Variants in FGF12 observed in about 807,000 individuals in gnomAD.
FGF12 encodes fibroblast growth factor 12B.
FGF12 carries 14 observed loss-of-function variants against 23.6 expected under a neutral mutation model. That is an observed-to-expected ratio of 0.59 (90% CI 0.39 to 0.93). The LOEUF (loss-of-function observed/expected upper bound fraction) is 0.93, where lower values mean the gene tolerates loss of function less well. Among genes scored for constraint, FGF12 ranks in the 40% least tolerant of loss-of-function variants. FGF12 has a pLI of 0.00. For synonymous variants in FGF12, 62 were observed against 77.3 expected, an observed-to-expected ratio of 0.80 and a Z score of 1.04; for missense variants, 175 against 217.8, an observed-to-expected ratio of 0.80 and a Z score of 1.24.
chr3:192,549,091 A>C (rs1041950802), intron 2 of FGF12, among the ~76,000 whole-genome samples: 4 of 152,126 alleles, frequency 2.6e-5, no homozygotes, highest in Admixed American at 2.0e-4. Context: ...AATTACACTA[A>C]CTGTTGCTCA....
chr3:192,685,730 T>C (rs964402629), intron 2 of FGF12, among the ~76,000 whole-genome samples: 1 of 152,154 alleles, frequency 6.6e-6, no homozygotes, highest in Non-Finnish European at 1.5e-5. Context: ...AAGGGTGCAA[T>C]ATTTGAGAAA....
intron 2 of FGF12, among the ~76,000 whole-genome samples, chr3:192,588,687 A>C (rs1251001186): frequency 6.6e-6 from 1 of 151,950 alleles, no homozygotes; most frequent in South Asian, 2.1e-4. Flanking sequence ...AAGATGTTAA[A>C]GCTCAGAAAA....
intron 2 of FGF12, among the ~76,000 whole-genome samples, chr3:192,637,757 T>C (rs911214213): frequency 6.6e-6 from 1 of 152,102 alleles, no homozygotes; most frequent in Non-Finnish European, 1.5e-5. Context: ...TAAGAAAAAA[T>C]AATAAATGAG....
intron 2 of FGF12, among the ~76,000 whole-genome samples, chr3:192,677,751 T>C (rs1717379987): frequency 6.6e-6 from 1 of 152,122 alleles, no homozygotes; most frequent in Non-Finnish European, 1.5e-5. Context: ...AAAAGACAGA[T>C]CCTGGCCTGT....
chr3:192,665,764 T>C (rs1276694229), intron 2 of FGF12, among the ~76,000 whole-genome samples: 3 of 145,296 alleles, frequency 2.1e-5, no homozygotes, highest in African/African-American at 7.7e-5. Context: ...TGCACATGTA[T>C]CCCAGAACTT....
chr3:192,250,004 A>G (rs187741889), intron 4 of FGF12, among the ~76,000 whole-genome samples: 5 of 152,322 alleles, frequency 3.3e-5, no homozygotes, highest in Admixed American at 6.5e-5. Context: ...TATGGAAGCC[A>G]TTGCTCTGAT....
intron 5 of FGF12, among the ~76,000 whole-genome samples, chr3:192,169,436 G>C (rs1358118558): frequency 6.6e-6 from 1 of 152,184 alleles, no homozygotes; most frequent in East Asian, 1.9e-4. Flanking sequence ...CCTGAGAGGG[G>C]CTAGGGGCTT....
At position 192,164,248 on chromosome 3, in the gene FGF12, T is replaced by C. The variant is rs181059039; in HGVS notation, c.427+6210A>G. Among the ~76,000 whole-genome samples, 550 of 152,338 alleles carry C rather than the reference T, an allele frequency of 3.6e-3. 4 individuals are homozygous for C. The highest frequency in any genetic ancestry group is 0.013 in the African/African-American group (527 of 41,582). On this transcript the variant is annotated intron_variant, in intron 5 of 5. Coordinates refer to ENST00000445105, the MANE Select transcript of FGF12 (RefSeq NM_004113.6). ...AGTTACTTATCTGTGCTTTGAACAA[T>C]ACTCTGAAAGGGCAGAATTGAGAAT...
intron 4 of FGF12, among the ~76,000 whole-genome samples, chr3:192,298,644 G>A (rs1553793623): frequency 6.6e-6 from 1 of 152,162 alleles, no homozygotes; most frequent in Non-Finnish European, 1.5e-5. Flanking sequence ...CAGTTACTCA[G>A]GAGGCTGAGG....
At chr3:192,576,780 A>G (rs1291512239) in intron 2 of FGF12, among the ~76,000 whole-genome samples, 1 of 152,212 alleles carries the variant, frequency 6.6e-6, no homozygotes, top group African/African-American at 2.4e-5. Context: ...GGCACTATTC[A>G]CAATAGCAAA....
chr3:192,607,779 T>G (rs147778504), intron 2 of FGF12, among the ~76,000 whole-genome samples: 365 of 151,802 alleles, frequency 2.4e-3, no homozygotes, highest in African/African-American at 8.4e-3. Flanking sequence ...GAAATTTTCT[T>G]GTCAGCTCTC....
intron 4 of FGF12, among the ~76,000 whole-genome samples, chr3:192,331,311 CAAAA>C (rs201997868): frequency 1.0e-5 from 1 of 95,972 alleles, no homozygotes; most frequent in Non-Finnish European, 2.3e-5. Flanking sequence ...GGAGTTTTCT[CAAAA>C]AAAAAAAAAA....
At chr3:192,480,065 C>T (rs1723438893) in intron 2 of FGF12, among the ~76,000 whole-genome samples, 1 of 152,006 alleles carries the variant, frequency 6.6e-6, no homozygotes, top group African/African-American at 2.4e-5. Context: ...GCAAAGAGGA[C>T]ATCAGTGCTC....
At chr3:192,453,683 C>T (rs1002866488) in intron 2 of FGF12, among the ~76,000 whole-genome samples, 1 of 152,068 alleles carries the variant, frequency 6.6e-6, no homozygotes, top group African/African-American at 2.4e-5. Flanking sequence ...TCTGTGATCA[C>T]TTTTGCTTGT....
chr3:192,488,451 A>G (rs1314895182), intron 2 of FGF12, among the ~76,000 whole-genome samples: 2 of 152,100 alleles, frequency 1.3e-5, no homozygotes, highest in African/African-American at 4.8e-5. Flanking sequence ...CGGAAAAGAC[A>G]TTCATCAGAC....
intron 2 of FGF12, among the ~76,000 whole-genome samples, chr3:192,462,870 T>C (rs1012070149): frequency 7.9e-5 from 12 of 152,270 alleles, no homozygotes; most frequent in Admixed American, 7.2e-4. Flanking sequence ...TATGCAGCCA[T>C]ATAAGAGAAG....
chr3:192,523,353 G>A (rs1724868125), intron 2 of FGF12, among the ~76,000 whole-genome samples: 1 of 152,106 alleles, frequency 6.6e-6, no homozygotes, highest in Non-Finnish European at 1.5e-5. Context: ...TTTCCAAAGT[G>A]CCATAAATCT....
At chr3:192,369,786 G>A (rs1719142388) in intron 2 of FGF12, among the ~76,000 whole-genome samples, 1 of 152,164 alleles carries the variant, frequency 6.6e-6, no homozygotes, top group Non-Finnish European at 1.5e-5. Context: ...GGCACCCACG[G>A]CCTGATCAAG....
intron 2 of FGF12, among the ~76,000 whole-genome samples, chr3:192,641,808 AC>A (rs1208387641): frequency 2.0e-5 from 3 of 152,202 alleles, no homozygotes; most frequent in Admixed American, 6.5e-5. Flanking sequence ...TGTTATTGAA[AC>A]ACAGCTATGA....
Sources: gnomAD v4.1 joint callset for allele counts (sites outside exome capture counted in the v4.1 genomes callset) on GRCh38, gnomAD v4.1.1 for gene constraint, MANE v1.5 for transcripts, NCBI Gene and HGNC (gene_info 2026-07-23, HGNC 2026-07-21) for gene names.